Variants in MYO1A observed in about 807,000 individuals in gnomAD.
The protein encoded by MYO1A is myosin IA, also known as unconventional myosin-Ia.
A neutral mutation model predicts 138.5 loss-of-function variants in MYO1A; 127 were observed. That is an observed-to-expected ratio of 0.92 (90% CI 0.79 to 1.06). The LOEUF is 1.06. Ranked by LOEUF, MYO1A falls within the 50% of genes least tolerant of loss-of-function variation. The pLI is 0.00. For synonymous variants in MYO1A, 477 were observed against 497.5 expected (o/e 0.96, Z 0.55); for missense variants, 1,211 against 1,288.8 (o/e 0.94, Z 0.92).
At chr12:57,039,794 C>T (rs1161400598) in intron 14 of MYO1A, among the ~76,000 whole-genome samples, 1 of 152,180 alleles carries the variant, frequency 6.6e-6, no homozygotes, top group African/African-American at 2.4e-5. Flanking sequence ...TTCTGGGTCC[C>T]ACTCCCCAAG....
At position 57,048,052 on chromosome 12, in the gene MYO1A, A is replaced by T; in HGVS notation, c.167T>A (p.Ile56Asn). The change falls in exon 3 of 28, where the codon ATC becomes AAC. Residue 56 changes from isoleucine to asparagine, a missense_variant. Physicochemically the swap from Ile to Asn is moderately radical, Grantham distance 149. Transcript: ENST00000300119. ...ISVNPYQQLP[I>N]YGPEFIAKYQ... ...TTTGGCAATGAACTCTGGCCCATAG[A>T]TGGGAAGCTGTTGATAGGGATTCAC... The T allele has an allele frequency of 1.2e-6, 2 of 1,614,180 alleles. No individual in the cohort carries two copies. The highest frequency in any genetic ancestry group is 1.3e-5 in the African/African-American group (1 of 75,052).
chr12:57,050,325 G>A (rs1167041787), upstream of MYO1A, among the ~76,000 whole-genome samples: 1 of 152,228 alleles, frequency 6.6e-6, no homozygotes, highest in East Asian at 1.9e-4. Context: ...ATTTGGAAAT[G>A]AAAGCTGGAA....
At chr12:57,047,279 G>C (rs762089770) in intron 5 of MYO1A, 24 bp downstream of exon 5, 2 of 1,601,328 alleles carry the variant, frequency 1.2e-6, no homozygotes, top group South Asian at 2.2e-5. Context: ...GGAGGGTGGA[G>C]AGGGCAGAGA....
Position 57,041,427 on chromosome 12 carries a change from C to T in MYO1A, c.1164+5G>A, listed in dbSNP as rs1432760660. On this transcript the variant is annotated splice_donor_5th_base_variant and intron_variant, in intron 13 of 27. Coordinates refer to ENST00000300119, the MANE Select transcript of MYO1A (RefSeq NM_005379.4). ...GAGCAGGGTGCTGAGGTGAGGCACTCTCACCTCTAATATCTCAAAACCGTA... is the reference window on the plus strand; with the variant it reads ...GAGCAGGGTGCTGAGGTGAGGCACTTTCACCTCTAATATCTCAAAACCGTA... 3 of 1,612,808 alleles carry T rather than the reference C, an allele frequency of 1.9e-6. No homozygotes were observed. The Admixed American group carries it at 5.0e-5, about 27-fold the overall frequency.
chr12:57,046,528 C>T, intron 8 of MYO1A, 24 bp downstream of exon 8: 10 of 1,580,776 alleles, frequency 6.3e-6, no homozygotes, highest in Non-Finnish European at 7.8e-6. Flanking sequence ...CTCATGAGGA[C>T]ACTTTCCCCA....
rs1592474038 is a variant in MYO1A at position 57,036,937 on chromosome 12, C to T, written c.2205+5G>A. 6 of 1,614,160 alleles carry T rather than the reference C, an allele frequency of 3.7e-6. No individual in the cohort carries two copies. Among genetic ancestry groups the T allele is most frequent in the East Asian group, 4.5e-5 (2 of 44,890 alleles). On this transcript the variant is annotated splice_donor_5th_base_variant and intron_variant, in intron 20 of 27. Coordinates refer to ENST00000300119, the MANE Select transcript of MYO1A (RefSeq NM_005379.4). ...AACAGAGTGGGACTTTGGGGATGAC[C>T]GTACCATGTTTCCCCGAAACCAAGA...
chr12:57,037,956 T>G lies in MYO1A; in HGVS notation c.1874A>C (p.Tyr625Ser). 1.2e-6 allele frequency: 2 copies of G among 1,614,140 alleles called. No individual in the cohort carries two copies. The highest frequency in any genetic ancestry group is 2.7e-5 in the African/African-American group (2 of 75,038). Residue 625 changes from tyrosine to serine, a missense_variant, in exon 18 of 28, where the codon TAT (tyrosine) becomes TCT (serine). Coordinates refer to ENST00000300119, the MANE Select transcript of MYO1A (RefSeq NM_005379.4). Reference sequence around the variant, plus strand: ...GGGCCCATAACCCTGGCGGTGGGCATAGCCTGCCCGTCGCACCCGTACGTT... The same window carrying G: ...GGGCCCATAACCCTGGCGGTGGGCAGAGCCTGCCCGTCGCACCCGTACGTT... ...LENVRVRRAGYAHRQGYGPFL... is the reference protein window; with the variant it reads ...LENVRVRRAGSAHRQGYGPFL...
intron 16 of MYO1A, 45 bp from the exon 17 acceptor site, chr12:57,038,683 C>T (rs998992876): frequency 2.2e-5 from 35 of 1,610,610 alleles, no homozygotes; most frequent in Non-Finnish European, 2.7e-5. Context: ...CAACCTTGTC[C>T]CAGCACTTGG....
upstream of MYO1A, chr12:57,050,653 T>A (rs1336555328): frequency 1.3e-5 from 2 of 152,134 alleles, no homozygotes; most frequent in East Asian, 3.8e-4. Flanking sequence ...CTTCTCCACT[T>A]CCCTTCCCCC....
chr12:57,039,638 C>A (rs565589106), intron 14 of MYO1A, among the ~76,000 whole-genome samples: 2 of 152,342 alleles, frequency 1.3e-5, no homozygotes, highest in African/African-American at 4.8e-5. Flanking sequence ...AGCGGCCACA[C>A]TACTCTGTGC....
At position 57,039,025 on chromosome 12, in the gene MYO1A, A is replaced by C; in HGVS notation, c.1333-16T>G. ...CTCGCTGATTCTGGGCCGGGGGAAC[A>C]AAAGAAGCCCAACCTAAATCTGGTC... On this transcript the variant is annotated splice_polypyrimidine_tract_variant and intron_variant, in intron 15 of 27. Coordinates refer to ENST00000300119, the MANE Select transcript of MYO1A (RefSeq NM_005379.4). The C allele has an allele frequency of 2.5e-6, 4 of 1,610,402 alleles. No homozygotes were observed. Among genetic ancestry groups the C allele is most frequent in the Non-Finnish European group, 3.4e-6 (4 of 1,178,114 alleles).
chr12:57,047,306 C>G lies in MYO1A; in HGVS notation c.427G>C (p.Glu143Gln). Residue 143 changes from glutamate to glutamine, a missense_variant, in exon 5 of 28, where the codon GAG (glutamate) becomes CAG (glutamine). Transcript: ENST00000300119. ...GGGCAGAGAGCAGAATTCTCACCCT[C>G]CAGCACTGGGTTAGACTGTAGCAGC... ...EQLLQSNPVLEAFGNAKTIRN... is the reference protein window; with the variant it reads ...EQLLQSNPVLQAFGNAKTIRN... 1 of 1,613,698 alleles carries G rather than the reference C, an allele frequency of 6.2e-7. No individual in the cohort carries two copies. Among genetic ancestry groups the G allele is most frequent in the Non-Finnish European group, 8.5e-7 (1 of 1,179,578 alleles).
intron 14 of MYO1A, among the ~76,000 whole-genome samples, chr12:57,039,919 T>G (rs187246921): frequency 6.6e-6 from 1 of 152,202 alleles, no homozygotes; most frequent in African/African-American, 2.4e-5. Flanking sequence ...TTTATCTACA[T>G]GAGACTTTGA....
rs148129294 is a variant in MYO1A at position 57,038,541 on chromosome 12, C to T, written c.1631G>A (p.Arg544Gln). 2.0e-5 allele frequency: 33 copies of T among 1,614,036 alleles called. No homozygotes were observed. The East Asian group carries it at 3.6e-4, about 17-fold the overall frequency. Residue 544 changes from arginine (R) to glutamine (Q), a missense_variant, in exon 17 of 28, where the codon CGG becomes CAG. Coordinates refer to ENST00000300119, the MANE Select transcript of MYO1A (RefSeq NM_005379.4). ...AGGATTGCCCTCAGGAAACAAGGAC[C>T]GAAGGAGGGGGTGCTGGGCCTTCCA... ...AMWKAQHPLL[R>Q]SLFPEGNPKQ... is the part of the protein sequence containing the mutation.
chr12:57,046,764 T>A, intron 7 of MYO1A, 99 bp downstream of exon 7: 1 of 1,525,382 alleles, frequency 6.6e-7, no homozygotes, highest in South Asian at 1.1e-5. Flanking sequence ...GGAAGTCTCC[T>A]TGACGTCTAA....
At position 57,029,224 on chromosome 12, in the gene MYO1A, C is replaced by T; in HGVS notation, c.2913G>A (p.Leu971=). 6.2e-7 allele frequency: 1 copy of T among 1,614,150 alleles called. No individual in the cohort carries two copies. Among genetic ancestry groups the T allele is most frequent in the Non-Finnish European group, 8.5e-7 (1 of 1,180,030 alleles). The change falls in exon 27 of 28, where the codon CTG becomes CTA. Residue 971 remains leucine (L), a synonymous_variant. Coordinates refer to ENST00000300119, the MANE Select transcript of MYO1A (RefSeq NM_005379.4). ...SSVGSKGDFL[L]VSEHVIELLT... is the part of the protein sequence containing the mutation. Reference sequence around the variant, plus strand: ...GCAGTTCAATCACATGCTCGCTGACCAGCAGGAAGTCCCCCTTGGAGCCCA... The same window carrying T: ...GCAGTTCAATCACATGCTCGCTGACTAGCAGGAAGTCCCCCTTGGAGCCCA...
At chr12:57,030,544 G>C (rs1247394693) in intron 23 of MYO1A, among the ~76,000 whole-genome samples, 1 of 152,158 alleles carries the variant, frequency 6.6e-6, no homozygotes, top group Non-Finnish European at 1.5e-5. Context: ...AAAAGCACCA[G>C]GAGGGCTCTA....
chr12:57,042,970 C>A, intron 12 of MYO1A, 102 bp downstream of exon 12: 1 of 1,112,380 alleles, frequency 9.0e-7, no homozygotes. Flanking sequence ...CCCCATCATC[C>A]TCCCTACTCT....
Position 57,047,992 on chromosome 12 carries a change from T to A in MYO1A, c.227A>T (p.His76Leu). 6.2e-7 allele frequency: 1 copy of A among 1,611,320 alleles called. No homozygotes were observed. Among genetic ancestry groups the A allele is most frequent in the Non-Finnish European group, 8.5e-7 (1 of 1,177,434 alleles). Reference protein sequence around the residue: ...QDYTFYELKPHIYALANVAYQ... With the variant: ...QDYTFYELKPLIYALANVAYQ... ...TTCCCTTGGTCCCCCTACTCACATA[T>A]GGGGCTTCAGCTCATAGAAAGTATA... Residue 76 changes from histidine to leucine, a missense_variant, in exon 3 of 28, where the codon CAT becomes CTT. Transcript: ENST00000300119.
Sources: allele counts gnomAD v4.1 joint callset (sites outside exome capture counted in the v4.1 genomes callset), GRCh38; gene constraint gnomAD v4.1.1; transcripts MANE v1.5; gene names NCBI Gene and HGNC (gene_info 2026-07-23, HGNC 2026-07-21).